TTL: variants seen among roughly 807,000 people sequenced by gnomAD.
The protein encoded by TTL is tubulin--tyrosine ligase.
TTL carries 10 observed loss-of-function variants against 41.1 expected under a neutral mutation model. The ratio of observed to expected loss-of-function variants is 0.24; its 90% CI spans 0.15 to 0.41. The LOEUF (loss-of-function observed/expected upper bound fraction) is 0.41, where lower values mean the gene tolerates loss of function less well. Among genes scored for constraint, TTL ranks in the 10% least tolerant of loss-of-function variants. The pLI is 1.00. For missense variants in TTL, 367 were observed against 460.4 expected (o/e 0.80, Z 1.86); for synonymous variants, 175 against 175.5 (o/e 1.00, Z 0.02).
chr2:112,532,858 T>G lies in TTL; in HGVS notation c.*4063T>G, dbSNP rs1682538759. On this transcript the variant is annotated 3_prime_UTR_variant, in exon 7 of 7. Coordinates refer to ENST00000233336, the MANE Select transcript of TTL (RefSeq NM_153712.5). ...CAATACATAAGCCAACAGATTGTCC[T>G]TCAAAACTGATGAGCTTCTCAGTGA... 6.6e-6 allele frequency: 1 copy of G among 152,430 alleles called. No individual in the cohort carries two copies. The highest frequency in any genetic ancestry group is 2.1e-4 in the South Asian group (1 of 4,826). 9.4% of individuals were successfully genotyped at this position (152,430 alleles called of 1,614,324 possible).
intron 5 of TTL, among the ~76,000 whole-genome samples, chr2:112,517,525 G>C (rs1029323084): frequency 3.3e-5 from 5 of 151,312 alleles, no homozygotes; most frequent in Non-Finnish European, 7.4e-5. Flanking sequence ...CTGGGATTAC[G>C]GGCATGAGCC....
Position 112,502,943 on chromosome 2 carries a change from A to G in TTL, c.637A>G (p.Ile213Val). Residue 213 changes from isoleucine to valine, a missense_variant, in exon 5 of 7, where the codon ATC (isoleucine) becomes GTC (valine). Ile to Val is a conservative substitution (Grantham distance 29, BLOSUM62 3). Coordinates refer to ENST00000233336, the MANE Select transcript of TTL (RefSeq NM_153712.5). ...GGTCTTGGTGGATCATCAGTATAAT[A>G]TCTACCTCTATAGAGAGGGTGTGCT... ...SWVLVDHQYN[I>V]YLYREGVLRT... 3 of 1,614,014 alleles carry G rather than the reference A, an allele frequency of 1.9e-6. No individual in the cohort carries two copies. The highest frequency in any genetic ancestry group is 2.5e-6 in the Non-Finnish European group (3 of 1,179,936).
At chr2:112,489,003 C>T (rs1228894476) in intron 2 of TTL, among the ~76,000 whole-genome samples, 1 of 152,036 alleles carries the variant, frequency 6.6e-6, no homozygotes, top group Non-Finnish European at 1.5e-5. Flanking sequence ...AGGAGAATTG[C>T]TTGGGCCCAG....
chr2:112,510,717 G>A (rs1042760640), intron 5 of TTL, among the ~76,000 whole-genome samples: 1 of 152,134 alleles, frequency 6.6e-6, no homozygotes, highest in African/African-American at 2.4e-5. Context: ...AAAAATAAAA[G>A]CATGTCTCAG....
intron 3 of TTL, among the ~76,000 whole-genome samples, chr2:112,500,937 C>T (rs548321195): frequency 6.8e-4 from 101 of 148,270 alleles, no homozygotes; most frequent in African/African-American, 2.5e-3. Context: ...TTAGGCACTA[C>T]GAATTTCTGT....
intron 1 of TTL, chr2:112,483,278 G>A (rs758050720): frequency 3.3e-5 from 5 of 152,328 alleles, no homozygotes; most frequent in Non-Finnish European, 7.3e-5. Context: ...GGGTAGGAAA[G>A]CGCAGGAGAT....
intron 6 of TTL, among the ~76,000 whole-genome samples, chr2:112,523,199 GCTT>G (rs1189190236): frequency 6.6e-6 from 1 of 152,124 alleles, no homozygotes; most frequent in Non-Finnish European, 1.5e-5. Flanking sequence ...ACCGTGGCTG[GCTT>G]CTTCTTTACC....
intron 5 of TTL, among the ~76,000 whole-genome samples, chr2:112,512,129 C>T (rs6542061): frequency 0.41 from 62,090 of 151,726 alleles, 12,938 homozygotes; most frequent in East Asian, 0.58. Flanking sequence ...TTCACTCTTG[C>T]TGCCCGGACT....
At chr2:112,516,366 G>T (rs1206758212) in intron 5 of TTL, among the ~76,000 whole-genome samples, 9 of 152,102 alleles carry the variant, frequency 5.9e-5, no homozygotes, top group Non-Finnish European at 1.0e-4. Flanking sequence ...CTGCATTGTG[G>T]TGTGTCTTTG....
chr2:112,491,839 G>C (rs1331217855), intron 2 of TTL, among the ~76,000 whole-genome samples: 1 of 152,020 alleles, frequency 6.6e-6, no homozygotes, highest in Non-Finnish European at 1.5e-5. Context: ...CATTTCTTGT[G>C]AATCTGTGGC....
At chr2:112,495,328 C>A (rs1488392324) in intron 3 of TTL, among the ~76,000 whole-genome samples, 1 of 152,212 alleles carries the variant, frequency 6.6e-6, no homozygotes, top group Non-Finnish European at 1.5e-5. Context: ...TATACTACTT[C>A]TCTGTCCATC....
rs1682489434 is a variant in TTL at position 112,530,852 on chromosome 2, C to T, written c.*2057C>T. On this transcript the variant is annotated 3_prime_UTR_variant, in exon 7 of 7. Transcript: ENST00000233336. Reference sequence around the variant, plus strand: ...AGAAAAGAAAAAGTTATGCCTCATTCCTCATGTGGCTTCCAATAAGTATCT... The same window carrying T: ...AGAAAAGAAAAAGTTATGCCTCATTTCTCATGTGGCTTCCAATAAGTATCT... 1.6e-5 allele frequency: 3 copies of T among 186,104 alleles called. No individual in the cohort carries two copies. In the East Asian group the frequency reaches 2.6e-4, roughly 16 times the overall value. 11.5% of individuals were successfully genotyped at this position (186,104 alleles called of 1,614,324 possible).
At position 112,482,491 on chromosome 2, in the gene TTL, C is replaced by G. The variant is rs759233031; in HGVS notation, c.147C>G (p.Phe49Leu). 1.9e-6 allele frequency: 3 copies of G among 1,607,306 alleles called. No individual in the cohort carries two copies. The highest frequency in any genetic ancestry group is 2.5e-6 in the Non-Finnish European group (3 of 1,176,912). Reference protein sequence around the residue: ...LMLGERNRLPFGRLGHEPGLV... With the variant: ...LMLGERNRLPLGRLGHEPGLV... Reference sequence around the variant, plus strand: ...TGGGAGAGAGGAATCGGCTGCCCTTCGGGAGACTGGGTGAGCCCCTCCCCG... The same window carrying G: ...TGGGAGAGAGGAATCGGCTGCCCTTGGGGAGACTGGGTGAGCCCCTCCCCG... Residue 49 changes from phenylalanine (F) to leucine (L), a missense_variant, in exon 1 of 7, where the codon TTC becomes TTG. Transcript: ENST00000233336. The surrounding 1 kb of genome is among the most constrained non-coding windows in gnomAD (Gnocchi z 5.3).
intron 2 of TTL, among the ~76,000 whole-genome samples, chr2:112,489,852 A>AT (rs1264637587): frequency 6.6e-6 from 1 of 152,210 alleles, no homozygotes; most frequent in African/African-American, 2.4e-5. Flanking sequence ...AATGGCAGTC[A>AT]TTTTTTATTT....
intron 5 of TTL, among the ~76,000 whole-genome samples, chr2:112,515,978 A>C (rs1001047933): frequency 3.4e-5 from 3 of 89,020 alleles, no homozygotes; most frequent in Non-Finnish European, 4.7e-5. Context: ...AAATAAATAA[A>C]TAAATAAATA....
chr2:112,488,814 C>T lies in TTL; in HGVS notation c.236+2819C>T, dbSNP rs1017496330. ...ATTAAATTAATAATTTATTGCCGGGCGTGGTGGCTCACGCCTGTAATCCCA... is the reference window on the plus strand; with the variant it reads ...ATTAAATTAATAATTTATTGCCGGGTGTGGTGGCTCACGCCTGTAATCCCA... On this transcript the variant is annotated intron_variant, in intron 2 of 6. Transcript: ENST00000233336. 6.0e-5 allele frequency among the ~76,000 whole-genome samples: 9 copies of T among 150,636 alleles called. No homozygotes were observed. The East Asian group carries it at 1.2e-3, about 20-fold the overall frequency.
chr2:112,499,167 T>G (rs1574059904), intron 3 of TTL, among the ~76,000 whole-genome samples: 1 of 152,008 alleles, frequency 6.6e-6, no homozygotes, highest in Non-Finnish European at 1.5e-5. Context: ...ACAAAAAAAT[T>G]AGCCAGGTGT....
At position 112,541,210 on chromosome 2, in the gene TTL, A is replaced by G. The variant is rs1445504272; in HGVS notation, c.*12415A>G. 2 of 152,220 alleles carry G rather than the reference A, an allele frequency of 1.3e-5. No individual in the cohort carries two copies. Among genetic ancestry groups the G allele is most frequent in the Non-Finnish European group, 2.9e-5 (2 of 68,036 alleles). 9.4% of individuals were successfully genotyped at this position (152,220 alleles called of 1,614,324 possible). ...GATATGATATAAAAAGACAGGCAAC[A>G]AAAGAAAAAAACTACACTTCAAAAT... On this transcript the variant is annotated 3_prime_UTR_variant, in exon 7 of 7. Coordinates refer to ENST00000233336, the MANE Select transcript of TTL (RefSeq NM_153712.5).
intron 6 of TTL, among the ~76,000 whole-genome samples, chr2:112,524,479 T>C (rs1682323386): frequency 6.6e-6 from 1 of 152,220 alleles, no homozygotes; most frequent in African/African-American, 2.4e-5. Context: ...TTTTTAATGA[T>C]CACCATTCTA....
Sources: allele counts gnomAD v4.1 joint callset (sites outside exome capture counted in the v4.1 genomes callset), GRCh38; gene constraint gnomAD v4.1.1; non-coding constraint Gnocchi (gnomAD v3.1); transcripts MANE v1.5; gene names NCBI Gene and HGNC (gene_info 2026-07-23, HGNC 2026-07-21).